TBC1D9: variants seen among roughly 807,000 people sequenced by gnomAD.
TBC1D9 encodes TBC1 domain family member 9.
In TBC1D9, 63 loss-of-function variants were observed where a neutral mutation model predicts 132.0. The ratio of observed to expected loss-of-function variants is 0.48; its 90% CI spans 0.39 to 0.59. The LOEUF (loss-of-function observed/expected upper bound fraction) is 0.59. TBC1D9 is among the 20% of genes least tolerant of loss of function. TBC1D9 has a pLI of 0.00. For synonymous variants in TBC1D9, 610 were observed against 609.9 expected (o/e 1.00, Z 0.00); for missense variants, 1,261 against 1,592.7 (o/e 0.79, Z 3.54).
At chr4:140,642,500 C>A in intron 13 of TBC1D9, 1 of 1,137,484 alleles carries the variant, frequency 8.8e-7, no homozygotes, top group Non-Finnish European at 1.3e-6. Flanking sequence ...CCAGCACTGT[C>A]TGAAAACTTG....
intron 2 of TBC1D9, among the ~76,000 whole-genome samples, chr4:140,690,122 A>G (rs757223588): frequency 6.6e-6 from 1 of 152,066 alleles, no homozygotes; most frequent in Non-Finnish European, 1.5e-5. Flanking sequence ...GAAATGGTAT[A>G]TGCCCATATG....
At chr4:140,740,109 A>T (rs1420173523) in intron 1 of TBC1D9, among the ~76,000 whole-genome samples, 3 of 152,188 alleles carry the variant, frequency 2.0e-5, no homozygotes, top group Admixed American at 2.0e-4. Context: ...CCAGATATAA[A>T]GTAAAAGAGT....
At chr4:140,739,080 T>A (rs1049935511) in intron 1 of TBC1D9, among the ~76,000 whole-genome samples, 1 of 151,668 alleles carries the variant, frequency 6.6e-6, no homozygotes, top group African/African-American at 2.4e-5. Context: ...TGGCGCAACC[T>A]CCACCTTCTG....
intron 9 of TBC1D9, among the ~76,000 whole-genome samples, chr4:140,662,994 T>C (rs1560877556): frequency 6.6e-6 from 1 of 152,200 alleles, no homozygotes; most frequent in Admixed American, 6.5e-5. Flanking sequence ...GACACTGATA[T>C]GGCAATTATT....
intron 1 of TBC1D9, among the ~76,000 whole-genome samples, chr4:140,736,606 G>A (rs1560900423): frequency 2.0e-5 from 3 of 152,110 alleles, no homozygotes; most frequent in East Asian, 1.9e-4. Context: ...AGGATCAGTG[G>A]CTACACTCAA....
intron 10 of TBC1D9, among the ~76,000 whole-genome samples, chr4:140,661,147 C>T (rs1413678379): frequency 1.3e-5 from 2 of 152,130 alleles, no homozygotes; most frequent in South Asian, 4.1e-4. Flanking sequence ...ATCTCCTGAC[C>T]TCGTGATCCT....
chr4:140,694,525 C>T (rs1020014423), intron 2 of TBC1D9, among the ~76,000 whole-genome samples: 2 of 147,210 alleles, frequency 1.4e-5, no homozygotes, highest in South Asian at 4.2e-4. Context: ...AGGCCGAGAT[C>T]GTGCCACTGC....
chr4:140,642,526 T>C, intron 13 of TBC1D9: 1 of 1,162,928 alleles, frequency 8.6e-7, no homozygotes. Context: ...TGACTTCAAC[T>C]TGTCCTGCTT....
At position 140,751,583 on chromosome 4, in the gene TBC1D9, G is replaced by T. The variant is rs186643605; in HGVS notation, c.130+4333C>A. Among the ~76,000 whole-genome samples the T allele has an allele frequency of 2.2e-3, 341 of 152,152 alleles. 2 individuals carry two copies. Among genetic ancestry groups the T allele is most frequent in the Non-Finnish European group, 3.0e-3 (201 of 67,974 alleles). The stretch of plus-strand genomic sequence containing the variant: ...ACCATAAAGGAAATGGTATTTAAAA[G>T]GAAATGGTATCTAAACAGGACTTAA... On this transcript the variant is annotated intron_variant, in intron 1 of 20. Coordinates refer to ENST00000442267, the MANE Select transcript of TBC1D9 (RefSeq NM_015130.3).
intron 13 of TBC1D9, among the ~76,000 whole-genome samples, chr4:140,653,191 G>A (rs1227365897): frequency 6.6e-6 from 1 of 152,218 alleles, no homozygotes; most frequent in African/African-American, 2.4e-5. Context: ...AGGTATTTAT[G>A]AAGCGAAGTT....
chr4:140,666,734 T>A (rs563290799), intron 9 of TBC1D9, among the ~76,000 whole-genome samples: 9 of 145,612 alleles, frequency 6.2e-5, no homozygotes, highest in African/African-American at 5.0e-5. Flanking sequence ...GTGAATATAC[T>A]AAAAAAAAAA....
At chr4:140,754,115 T>C (rs1368899805) in intron 1 of TBC1D9, among the ~76,000 whole-genome samples, 1 of 152,222 alleles carries the variant, frequency 6.6e-6, no homozygotes, top group Non-Finnish European at 1.5e-5. Flanking sequence ...TAGTCAGTTA[T>C]AGCTCTAAGA....
intron 3 of TBC1D9, among the ~76,000 whole-genome samples, chr4:140,682,823 A>G (rs10018952): frequency 0.67 from 101,744 of 152,036 alleles, 34,121 homozygotes; most frequent in African/African-American, 0.69. Context: ...AACAAACCAT[A>G]AGCAGAAGTA....
intron 15 of TBC1D9, among the ~76,000 whole-genome samples, chr4:140,635,323 A>T (rs1157825003): frequency 6.7e-6 from 1 of 150,162 alleles, no homozygotes; most frequent in Non-Finnish European, 1.5e-5. Context: ...ATGAAAAAAA[A>T]GTTTAAAAAG....
intron 9 of TBC1D9, 141 bp downstream of exon 9, chr4:140,668,776 C>G (rs1182171675): frequency 3.4e-6 from 3 of 871,662 alleles, no homozygotes. Flanking sequence ...CTTCAATACT[C>G]TGGTGAGGAA....
chr4:140,622,275 T>C lies in TBC1D9; in HGVS notation c.3721A>G (p.Thr1241Ala), dbSNP rs754349502. The stretch of plus-strand genomic sequence containing the variant: ...ATCATCCGGATGTTTTTTGCACTGG[T>C]AATCCTGGCCATCATGCACACGGGC... ...DKPVCMMARI[T>A]SAKNIRMMGK... The change falls in exon 21 of 21, where the codon ACC becomes GCC. Residue 1241 changes from threonine to alanine, a missense_variant. Coordinates refer to ENST00000442267, the MANE Select transcript of TBC1D9 (RefSeq NM_015130.3). 2 of 1,612,768 alleles carry C rather than the reference T, an allele frequency of 1.2e-6. No homozygotes were observed. Among genetic ancestry groups the C allele is most frequent in the South Asian group, 1.1e-5 (1 of 91,068 alleles).
chr4:140,627,119 A>G (rs1405499323), intron 18 of TBC1D9, among the ~76,000 whole-genome samples: 2 of 152,254 alleles, frequency 1.3e-5, no homozygotes, highest in African/African-American at 4.8e-5. Flanking sequence ...CAGAAATGCT[A>G]GTTCCAATTC....
At chr4:140,710,341 A>G (rs999525492) in intron 1 of TBC1D9, among the ~76,000 whole-genome samples, 3 of 152,130 alleles carry the variant, frequency 2.0e-5, no homozygotes, top group Non-Finnish European at 4.4e-5. Context: ...TAAAGGGAGA[A>G]GAATGACAAA....
intron 1 of TBC1D9, chr4:140,715,955 G>C (rs1738328221): frequency 6.6e-6 from 1 of 152,172 alleles, no homozygotes; most frequent in Non-Finnish European, 1.5e-5. Context: ...GCACCAACAA[G>C]GGAGAGAAAC....
Sources: gnomAD v4.1 joint callset for allele counts (sites outside exome capture counted in the v4.1 genomes callset) on GRCh38, gnomAD v4.1.1 for gene constraint, MANE v1.5 for transcripts, NCBI Gene and HGNC (gene_info 2026-07-23, HGNC 2026-07-21) for gene names.